Variants in DPY19L3 observed in about 807,000 individuals in gnomAD.
The protein encoded by DPY19L3 is dpy-19 like C-mannosyltransferase 3.
In DPY19L3, 51 loss-of-function variants were observed where a neutral mutation model predicts 92.3. The observed-to-expected ratio is 0.55, with a 90% CI of 0.44 to 0.70. The LOEUF (loss-of-function observed/expected upper bound fraction) is 0.70. Among genes scored for constraint, DPY19L3 ranks in the 30% least tolerant of loss-of-function variants. DPY19L3 has a pLI of 0.00. For synonymous variants in DPY19L3, 309 were observed against 315.2 expected (o/e 0.98, Z 0.21); for missense variants, 706 against 855.9 (o/e 0.82, Z 2.18).
rs745433967 is a variant in DPY19L3 at position 32,463,828 on chromosome 19, C to A, written c.1446-41C>A. The A allele has an allele frequency of 2.6e-6, 4 of 1,517,522 alleles. No homozygotes were observed. The South Asian group carries it at 3.4e-5, about 13-fold the overall frequency. 94.0% of individuals were successfully genotyped at this position (1,517,522 alleles called of 1,614,324 possible). On this transcript the variant is annotated intron_variant, in intron 13 of 18. Coordinates refer to ENST00000392250, the MANE Select transcript of DPY19L3 (RefSeq NM_001172774.2). ...GTGTCTCAGAATCCAGGTTTATATA[C>A]AACTAGTACTTCTGACTTGCGCCTG...
chr19:32,420,239 T>C (rs1407406574), intron 3 of DPY19L3, among the ~76,000 whole-genome samples: 1 of 152,062 alleles, frequency 6.6e-6, no homozygotes, highest in Non-Finnish European at 1.5e-5. Context: ...TCCAGTCTTC[T>C]GCAATAGAGT....
intron 3 of DPY19L3, among the ~76,000 whole-genome samples, chr19:32,418,541 A>G (rs1443629535): frequency 6.6e-6 from 1 of 152,156 alleles, no homozygotes; most frequent in East Asian, 1.9e-4. Context: ...TTTTCTGTAA[A>G]TAAACAATTA....
At chr19:32,451,356 T>A (rs757829024) in intron 8 of DPY19L3, among the ~76,000 whole-genome samples, 4 of 152,196 alleles carry the variant, frequency 2.6e-5, no homozygotes, top group Non-Finnish European at 5.9e-5. Context: ...AGAGCCCACC[T>A]ATTGATTGCT....
At chr19:32,426,256 G>A (rs116857133) in intron 3 of DPY19L3, among the ~76,000 whole-genome samples, 5,716 of 152,310 alleles carry the variant, frequency 0.038, 158 homozygotes, top group South Asian at 0.059. Context: ...TGGATTAGGC[G>A]TTGGCTTAAG....
intron 15 of DPY19L3, chr19:32,467,569 A>C (rs1417338852): frequency 7.1e-6 from 7 of 987,546 alleles, no homozygotes; most frequent in African/African-American, 1.7e-5. Context: ...AAAATGGCCA[A>C]AGATGAGATG....
intron 3 of DPY19L3, among the ~76,000 whole-genome samples, chr19:32,417,798 T>A (rs1364704179): frequency 6.6e-6 from 1 of 152,206 alleles, no homozygotes; most frequent in Non-Finnish European, 1.5e-5. Context: ...TGGGTATGTC[T>A]TTATTAGAAG....
intron 17 of DPY19L3, chr19:32,479,667 C>T (rs1970615011): frequency 2.6e-6 from 1 of 390,634 alleles, no homozygotes; most frequent in African/African-American, 2.1e-5. Context: ...TGAACCCCCA[C>T]ATTCAACACC....
At chr19:32,463,803 G>T in intron 13 of DPY19L3, 66 bp from the exon 14 acceptor site, 1 of 1,337,572 alleles carries the variant, frequency 7.5e-7, no homozygotes, top group Non-Finnish European at 1.1e-6. Flanking sequence ...GCCTTTATAG[G>T]TGTCTCAGAA....
chr19:32,463,365 G>C lies in DPY19L3; in HGVS notation c.1323-1G>C. 6.2e-7 allele frequency: 1 copy of C among 1,613,298 alleles called. No homozygotes were observed. Among genetic ancestry groups the C allele is most frequent in the Non-Finnish European group, 8.5e-7 (1 of 1,179,620 alleles). On this transcript the variant is annotated splice_acceptor_variant, in intron 12 of 18. Transcript: ENST00000392250. LOFTEE classifies it high-confidence loss of function. The stretch of plus-strand genomic sequence containing the variant: ...ATTTTGTATGTTGCTGTTTTACTCA[G>C]TGATTCTACAAATCAACAATCCGTG...
chr19:32,468,889 G>T, intron 16 of DPY19L3, 76 bp downstream of exon 16: 5 of 1,412,752 alleles, frequency 3.5e-6, no homozygotes, highest in Non-Finnish European at 2.8e-6. Flanking sequence ...TCGTTTTGGG[G>T]GTTTTTTGTT....
chr19:32,446,881 G>C lies in DPY19L3; in HGVS notation c.856-6264G>C, dbSNP rs1969516919. ...CGACAGAATCTAATGATCATTTATA[G>C]AAACTCCACCCAGTAACAGCAGAAT... is the stretch of plus-strand genomic sequence containing the variant. On this transcript the variant is annotated intron_variant, in intron 8 of 18. Transcript: ENST00000392250. Among the ~76,000 whole-genome samples the C allele has an allele frequency of 2.0e-5, 3 of 152,110 alleles. No homozygotes were observed. In the South Asian group the frequency reaches 6.2e-4, roughly 32 times the overall value.
chr19:32,469,486 ACT>A (rs1358218274), intron 16 of DPY19L3, among the ~76,000 whole-genome samples: 4 of 149,274 alleles, frequency 2.7e-5, no homozygotes, highest in South Asian at 2.1e-4. Flanking sequence ...ACAGAGCAAG[ACT>A]CTCTCTAAAA....
chr19:32,444,071 G>A (rs568310266), intron 8 of DPY19L3, among the ~76,000 whole-genome samples: 163 of 149,716 alleles, frequency 1.1e-3, no homozygotes, highest in African/African-American at 3.6e-3. Context: ...CTTATATTAA[G>A]AATTAGGAAA....
At chr19:32,448,987 C>A (rs529137009) in intron 8 of DPY19L3, among the ~76,000 whole-genome samples, 3 of 152,070 alleles carry the variant, frequency 2.0e-5, no homozygotes, top group Non-Finnish European at 4.4e-5. Context: ...TCTAGAAATA[C>A]TCTCACTTGA....
At chr19:32,461,405 G>T (rs142897990) in intron 12 of DPY19L3, among the ~76,000 whole-genome samples, 4 of 152,352 alleles carry the variant, frequency 2.6e-5, no homozygotes, top group Non-Finnish European at 5.9e-5. Flanking sequence ...GCTGGGCTAT[G>T]GGGGAGGTAC....
At chr19:32,465,666 T>G (rs1409642292) in intron 15 of DPY19L3, among the ~76,000 whole-genome samples, 1 of 152,170 alleles carries the variant, frequency 6.6e-6, no homozygotes, top group Non-Finnish European at 1.5e-5. Context: ...TTTGCTTATA[T>G]TTTCATGTAG....
rs34621086 is a variant in DPY19L3, at chr19:32,480,471, G to A, written c.1903G>A (p.Val635Ile). 76 of 1,614,182 alleles carry A rather than the reference G, an allele frequency of 4.7e-5. 2 individuals are homozygous for A. In the South Asian group the frequency reaches 5.6e-4, roughly 12 times the overall value. ...ALLRSFGTDY[V>I]ILEDSICYER... Reference sequence around the variant, plus strand: ...CCTAAGGTCCTTCGGCACTGACTACGTAATCCTGGAAGACAGCATCTGCTA... The same window carrying A: ...CCTAAGGTCCTTCGGCACTGACTACATAATCCTGGAAGACAGCATCTGCTA... The change falls in exon 18 of 19, where the codon GTA becomes ATA. Residue 635 changes from valine to isoleucine, a missense_variant. Physicochemically the swap from Val to Ile is conservative, Grantham distance 29. Transcript: ENST00000392250.
At chr19:32,458,865 T>A (rs1334397144) in intron 12 of DPY19L3, among the ~76,000 whole-genome samples, 2 of 152,174 alleles carry the variant, frequency 1.3e-5, no homozygotes, top group Non-Finnish European at 2.9e-5. Context: ...CATAAAGCAC[T>A]TAAAATAGTG....
chr19:32,460,944 C>A (rs1319673594), intron 12 of DPY19L3, among the ~76,000 whole-genome samples: 2 of 152,164 alleles, frequency 1.3e-5, no homozygotes, highest in Admixed American at 6.5e-5. Context: ...CGGCTCACTG[C>A]AACCTCTGCC....
Sources: allele counts gnomAD v4.1 joint callset (sites outside exome capture counted in the v4.1 genomes callset), GRCh38; gene constraint gnomAD v4.1.1; transcripts MANE v1.5; gene names NCBI Gene and HGNC (gene_info 2026-07-23, HGNC 2026-07-21).